CSMD1: variants seen among roughly 807,000 people sequenced by gnomAD.
CSMD1 encodes the protein CUB and Sushi multiple domains 1.
In CSMD1, 213 loss-of-function variants were observed where a neutral mutation model predicts 417.5. That is an observed-to-expected ratio of 0.51 (90% CI 0.46 to 0.57). The LOEUF is 0.57. Among genes scored for constraint, CSMD1 ranks in the 20% least tolerant of loss-of-function variants. The probability of loss-of-function intolerance (pLI) is 0.00; values close to 1 mark genes in which losing one functional copy is unlikely to be tolerated. For synonymous variants in CSMD1, 2,862 were observed against 1,736.8 expected (o/e 1.65, Z -16.11); for missense variants, 6,923 against 4,529.7 (o/e 1.53, Z -15.17).
intron 5 of CSMD1, among the ~76,000 whole-genome samples, chr8:3,781,537 A>G (rs572192353): frequency 6.6e-6 from 1 of 152,242 alleles, no homozygotes; most frequent in South Asian, 2.1e-4. Context: ...TATATGGTCT[A>G]TCTGCTTACA....
intron 3 of CSMD1, among the ~76,000 whole-genome samples, chr8:4,140,436 T>C (rs774649224): frequency 3.3e-5 from 5 of 150,868 alleles, no homozygotes; most frequent in Non-Finnish European, 7.4e-5. Context: ...AAGTGGAGGT[T>C]GCCGTGAGCC....
chr8:3,907,027 A>G (rs1360739374), intron 5 of CSMD1, among the ~76,000 whole-genome samples: 4 of 152,184 alleles, frequency 2.6e-5, no homozygotes, highest in African/African-American at 9.7e-5. Context: ...CATAGATGAG[A>G]AAAATGGCTG....
chr8:4,812,792 C>T (rs1169963206), intron 1 of CSMD1, among the ~76,000 whole-genome samples: 11 of 152,124 alleles, frequency 7.2e-5, no homozygotes, highest in African/African-American at 1.7e-4. Flanking sequence ...TTTGTAGATG[C>T]TCTTATGGAG....
At chr8:4,103,172 C>G (rs1297019877) in intron 3 of CSMD1, among the ~76,000 whole-genome samples, 1 of 151,858 alleles carries the variant, frequency 6.6e-6, no homozygotes, top group Non-Finnish European at 1.5e-5. Flanking sequence ...CCAGTCAGCA[C>G]AAAACCAGTA....
intron 10 of CSMD1, among the ~76,000 whole-genome samples, chr8:3,541,419 G>T (rs114466721): frequency 6.6e-6 from 1 of 152,028 alleles, no homozygotes; most frequent in Non-Finnish European, 1.5e-5. Context: ...TAGCTAATAC[G>T]TGTGGGGCTT....
intron 11 of CSMD1, among the ~76,000 whole-genome samples, chr8:3,490,928 G>T (rs1256900152): frequency 6.6e-6 from 1 of 152,092 alleles, no homozygotes; most frequent in Non-Finnish European, 1.5e-5. Context: ...TTTGGCAAGG[G>T]TGCAGAAAAA....
intron 7 of CSMD1, among the ~76,000 whole-genome samples, chr8:3,628,107 C>T (rs1004489644): frequency 6.6e-6 from 1 of 152,094 alleles, no homozygotes; most frequent in Non-Finnish European, 1.5e-5. Context: ...TAGAAAAAGA[C>T]CGGCAGTGTT....
chr8:4,530,594 T>C (rs1467413303), intron 2 of CSMD1, among the ~76,000 whole-genome samples: 1 of 150,650 alleles, frequency 6.6e-6, no homozygotes, highest in African/African-American at 2.4e-5. Context: ...GAACATGCGG[T>C]ACTTGATTTT....
Position 4,987,563 on chromosome 8 carries a change from G to A in CSMD1, c.85+6769C>T, listed in dbSNP as rs117621360. ...GTTGAAGCTCCCCAAAATATATCAC[G>A]CCAAAAAGTAAAAAATAAAAAGCAC... On this transcript the variant is annotated intron_variant, in intron 1 of 69. Transcript: ENST00000635120. Among the ~76,000 whole-genome samples, 873 of 151,880 alleles carry A rather than the reference G, an allele frequency of 5.7e-3. 10 individuals are homozygous for A. Among genetic ancestry groups the A allele is most frequent in the East Asian group, 0.041 (213 of 5,170 alleles).
At chr8:4,290,972 C>T (rs533034880) in intron 3 of CSMD1, among the ~76,000 whole-genome samples, 1 of 152,140 alleles carries the variant, frequency 6.6e-6, no homozygotes, top group African/African-American at 2.4e-5. Flanking sequence ...GGCAAAATTT[C>T]ATCTCCCTAA....
chr8:4,973,334 G>C (rs1343693529), intron 1 of CSMD1, among the ~76,000 whole-genome samples: 2 of 152,126 alleles, frequency 1.3e-5, no homozygotes, highest in Non-Finnish European at 2.9e-5. Context: ...AGTCAATAGA[G>C]TTCATTGAAC....
At chr8:3,330,752 G>C (rs538458937) in intron 23 of CSMD1, among the ~76,000 whole-genome samples, 1 of 152,078 alleles carries the variant, frequency 6.6e-6, no homozygotes, top group African/African-American at 2.4e-5. Context: ...TAAAACAAAA[G>C]TTACAATAAT....
Position 3,801,625 on chromosome 8 carries a change from C to G in CSMD1, c.819-47583G>C, listed in dbSNP as rs956001724. Among the ~76,000 whole-genome samples, 9 of 136,556 alleles carry G rather than the reference C, an allele frequency of 6.6e-5. No homozygotes were observed. In the East Asian group the frequency reaches 9.3e-4, roughly 14 times the overall value. The allele number at this position is 136,556 out of a possible 152,430, so 89.6% of individuals were successfully genotyped here. On this transcript the variant is annotated intron_variant, in intron 5 of 69. Coordinates refer to ENST00000635120, the MANE Select transcript of CSMD1 (RefSeq NM_033225.6). ...GTAAAGAATTCCACTCCTAGTTTTTCTACCCAAGAAAACTGAAAACATATA... is the reference window on the plus strand; with the variant it reads ...GTAAAGAATTCCACTCCTAGTTTTTGTACCCAAGAAAACTGAAAACATATA...
At chr8:3,628,160 C>G (rs1249989939) in intron 7 of CSMD1, among the ~76,000 whole-genome samples, 1 of 152,154 alleles carries the variant, frequency 6.6e-6, no homozygotes, top group Non-Finnish European at 1.5e-5. Context: ...GTAAACCCCC[C>G]TTTGGTTACT....
intron 9 of CSMD1, among the ~76,000 whole-genome samples, chr8:3,578,971 T>C (rs1800266682): frequency 6.6e-6 from 1 of 152,238 alleles, no homozygotes; most frequent in Non-Finnish European, 1.5e-5. Context: ...AGAATGCCTC[T>C]TTCTACTCTT....
In CSMD1 at chr8:3,108,197, G is replaced by A. The variant is rs142600786; in HGVS notation, c.6755-399C>T. Among the ~76,000 whole-genome samples the A allele has an allele frequency of 2.2e-4, 33 of 152,272 alleles. No individual in the cohort carries two copies. The East Asian group carries it at 6.0e-3, about 28-fold the overall frequency. On this transcript the variant is annotated intron_variant, in intron 44 of 69. Coordinates refer to ENST00000635120, the MANE Select transcript of CSMD1 (RefSeq NM_033225.6). ...CAGTGTTCGTGAGAGATAAGCGATT[G>A]ATTGACAGATGTTCTACATATCGTT...
intron 5 of CSMD1, among the ~76,000 whole-genome samples, chr8:3,792,465 T>C (rs1799806336): frequency 6.6e-6 from 1 of 152,184 alleles, no homozygotes; most frequent in Non-Finnish European, 1.5e-5. Context: ...ACGGAGAGCT[T>C]ACTTTTTGCC....
chr8:4,595,094 G>C (rs1025520891), intron 2 of CSMD1, among the ~76,000 whole-genome samples: 1 of 152,046 alleles, frequency 6.6e-6, no homozygotes, highest in Non-Finnish European at 1.5e-5. Context: ...AACTTTAATA[G>C]GGATGGAATT....
At chr8:3,032,178 T>A (rs1375566522) in intron 50 of CSMD1, among the ~76,000 whole-genome samples, 2 of 151,990 alleles carry the variant, frequency 1.3e-5, no homozygotes, top group African/African-American at 2.4e-5. Context: ...AGGATGAGAG[T>A]GGAAGAGTGG....
Sources: gnomAD v4.1 joint callset for allele counts (sites outside exome capture counted in the v4.1 genomes callset) on GRCh38, gnomAD v4.1.1 for gene constraint, MANE v1.5 for transcripts, NCBI Gene and HGNC (gene_info 2026-07-23, HGNC 2026-07-21) for gene names.